The following ZPBP variants were observed in gnomAD, a reference collection of about 807,000 sequenced individuals.
ZPBP encodes zona pellucida binding protein.
A neutral mutation model predicts 44.8 loss-of-function variants in ZPBP; 26 were observed. The observed-to-expected ratio is 0.58, with a 90% CI of 0.43 to 0.81. The LOEUF (loss-of-function observed/expected upper bound fraction) is 0.81. ZPBP is among the 30% of genes least tolerant of loss of function. ZPBP has a pLI of 0.00. For missense variants in ZPBP, 409 were observed against 434.0 expected, an observed-to-expected ratio of 0.94 and a Z score of 0.51; for synonymous variants, 174 against 153.2, an observed-to-expected ratio of 1.14 and a Z score of -1.00.
rs1419344228 is a variant in ZPBP, at chr7:49,904,799, G to A, written n.412-3584C>T. On this transcript the variant is annotated intron_variant and non_coding_transcript_variant, in intron 1 of 2. Transcript: ENST00000465922. Reference sequence around the variant, plus strand: ...CGCCCAGGTTGGAGTGCAGTGGCGCGATCTCGGCTCACTGCAACCTCCTCT... The same window carrying A: ...CGCCCAGGTTGGAGTGCAGTGGCGCAATCTCGGCTCACTGCAACCTCCTCT... Among the ~76,000 whole-genome samples, 6 of 148,882 alleles carry A rather than the reference G, an allele frequency of 4.0e-5. No individual in the cohort carries two copies. In the East Asian group the frequency reaches 9.9e-4, roughly 25 times the overall value.
intron 4 of ZPBP, among the ~76,000 whole-genome samples, chr7:50,036,906 T>A (rs1199129990): frequency 6.6e-6 from 1 of 151,750 alleles, no homozygotes; most frequent in African/African-American, 2.4e-5. Flanking sequence ...AAAAAATAAT[T>A]ATAATTTAGG....
At chr7:49,933,253 C>T (rs1794506543), downstream of ZPBP, among the ~76,000 whole-genome samples, 3 of 149,922 alleles carry the variant, frequency 2.0e-5, no homozygotes, top group South Asian at 4.3e-4. Context: ...AATGTTAACA[C>T]TGCTGACATC....
intron 6 of ZPBP, among the ~76,000 whole-genome samples, chr7:49,992,177 T>G (rs1323107075): frequency 6.6e-6 from 1 of 152,072 alleles, no homozygotes; most frequent in African/African-American, 2.4e-5. Flanking sequence ...GGCTATCTAC[T>G]TACTGATAAA....
intron 1 of ZPBP, 178 bp downstream of exon 1, chr7:50,092,890 T>A (rs558332948): frequency 4.2e-6 from 4 of 942,784 alleles, no homozygotes; most frequent in Non-Finnish European, 4.5e-6. Context: ...CACTCCTCTA[T>A]GCAAATGCAG....
downstream of ZPBP, among the ~76,000 whole-genome samples, chr7:49,849,392 T>C (rs1382795486): frequency 1.3e-5 from 2 of 152,212 alleles, no homozygotes; most frequent in African/African-American, 2.4e-5. Flanking sequence ...CTGTGTGTCC[T>C]GCCACTGCTC....
chr7:49,982,243 A>G (rs1198190468), intron 7 of ZPBP, among the ~76,000 whole-genome samples: 2 of 105,688 alleles, frequency 1.9e-5, no homozygotes, highest in East Asian at 4.7e-4. Context: ...TAATATAATT[A>G]TATTATATAT....
At position 50,042,914 on chromosome 7, in the gene ZPBP, C is replaced by T. The variant is rs149798829; in HGVS notation, c.488-11604G>A. 5.9e-5 allele frequency among the ~76,000 whole-genome samples: 9 copies of T among 152,192 alleles called. No individual in the cohort carries two copies. The East Asian group carries it at 1.5e-3, about 26-fold the overall frequency. On this transcript the variant is annotated intron_variant, in intron 4 of 7. Coordinates refer to ENST00000046087, the MANE Select transcript of ZPBP (RefSeq NM_007009.3). Reference sequence around the variant, plus strand: ...GACCCATCTGTTGGGAACAAACCCCCAAATCTGGTCATAAACTGGCCCCAA... The same window carrying T: ...GACCCATCTGTTGGGAACAAACCCCTAAATCTGGTCATAAACTGGCCCCAA...
intron 2 of ZPBP, among the ~76,000 whole-genome samples, chr7:49,856,116 C>T (rs1445126356): frequency 6.6e-6 from 1 of 152,180 alleles, no homozygotes; most frequent in African/African-American, 2.4e-5. Context: ...TGCATAAGAC[C>T]ATACACGTAA....
chr7:49,853,180 T>A (rs542198890), intron 2 of ZPBP, among the ~76,000 whole-genome samples: 2 of 152,348 alleles, frequency 1.3e-5, no homozygotes, highest in Admixed American at 1.3e-4. Context: ...TTGTTCTGGA[T>A]CCCAGTTTGA....
At chr7:50,070,705 A>G (rs1381042859) in intron 3 of ZPBP, among the ~76,000 whole-genome samples, 1 of 152,192 alleles carries the variant, frequency 6.6e-6, no homozygotes, top group Non-Finnish European at 1.5e-5. Context: ...ACAAAGAGTC[A>G]AGTTACCTTT....
At chr7:49,981,118 A>T (rs1442747455) in intron 7 of ZPBP, among the ~76,000 whole-genome samples, 4 of 145,418 alleles carry the variant, frequency 2.8e-5, no homozygotes, top group Admixed American at 2.2e-4. Flanking sequence ...AACTATTTTT[A>T]AAATTGTGAT....
chr7:50,068,252 G>A (rs1010673207), intron 3 of ZPBP, among the ~76,000 whole-genome samples: 1 of 152,100 alleles, frequency 6.6e-6, no homozygotes, highest in African/African-American at 2.4e-5. Flanking sequence ...AGTAGGAAGT[G>A]CACAAACAGC....
At chr7:50,077,267 T>A (rs986107811) in intron 3 of ZPBP, among the ~76,000 whole-genome samples, 3 of 151,912 alleles carry the variant, frequency 2.0e-5, no homozygotes, top group Non-Finnish European at 4.4e-5. Flanking sequence ...ATTAAAGAGT[T>A]AAATCTAATA....
At chr7:50,092,832 A>C (rs994516101) in intron 1 of ZPBP, 2 of 510,816 alleles carry the variant, frequency 3.9e-6, no homozygotes, top group Non-Finnish European at 6.4e-6. Context: ...GTAAAACTTC[A>C]ACTGTGGGTG....
intron 7 of ZPBP, among the ~76,000 whole-genome samples, chr7:49,970,976 T>C (rs1164166196): frequency 6.6e-6 from 1 of 152,064 alleles, no homozygotes; most frequent in African/African-American, 2.4e-5. Context: ...CCCAGGGGGT[T>C]GAGGATTCAG....
chr7:49,897,619 CAGGACAA>C (rs1792454939), intron 2 of ZPBP, among the ~76,000 whole-genome samples: 1 of 152,190 alleles, frequency 6.6e-6, no homozygotes, highest in African/African-American at 2.4e-5. Flanking sequence ...TCAGAGGTCA[CAGGACAA>C]ACTGTTACTC....
chr7:49,952,887 A>G (rs1795408766), intron 7 of ZPBP, among the ~76,000 whole-genome samples: 1 of 152,050 alleles, frequency 6.6e-6, no homozygotes, highest in Non-Finnish European at 1.5e-5. Flanking sequence ...TAGCCTGAAG[A>G]GATCTATTAC....
intron 7 of ZPBP, among the ~76,000 whole-genome samples, chr7:49,958,201 T>C (rs951923722): frequency 6.6e-6 from 1 of 152,158 alleles, no homozygotes. Context: ...TATTGTGTCT[T>C]GAGTCTCGCC....
intron 4 of ZPBP, among the ~76,000 whole-genome samples, chr7:50,049,233 A>G (rs140700233): frequency 3.9e-5 from 6 of 152,148 alleles, no homozygotes; most frequent in Non-Finnish European, 5.9e-5. Flanking sequence ...GAATTCTACC[A>G]AACAGTTAAG....
Sources: gnomAD v4.1 joint callset for allele counts (sites outside exome capture counted in the v4.1 genomes callset) on GRCh38, gnomAD v4.1.1 for gene constraint, MANE v1.5 for transcripts, NCBI Gene and HGNC (gene_info 2026-07-23, HGNC 2026-07-21) for gene names.